Variants in PRKCI observed in about 807,000 individuals in gnomAD.
The protein encoded by PRKCI is protein kinase C iota.
A neutral mutation model predicts 84.0 loss-of-function variants in PRKCI; 43 were observed. The ratio of observed to expected loss-of-function variants is 0.51; its 90% CI spans 0.40 to 0.66. The LOEUF is 0.66. Among genes scored for constraint, PRKCI ranks in the 30% least tolerant of loss-of-function variants. The pLI is 0.00. For synonymous variants in PRKCI, 216 were observed against 234.4 expected (o/e 0.92, Z 0.72); for missense variants, 459 against 745.6 (o/e 0.62, Z 4.48).
At chr3:170,242,646 A>G (rs914437933) in intron 2 of PRKCI, among the ~76,000 whole-genome samples, 2 of 145,454 alleles carry the variant, frequency 1.4e-5, no homozygotes, top group Non-Finnish European at 3.1e-5. Context: ...TAATGTAAAG[A>G]ACTTCCTTTA....
At chr3:170,298,493 C>A (rs1734740623) in intron 16 of PRKCI, among the ~76,000 whole-genome samples, 1 of 151,758 alleles carries the variant, frequency 6.6e-6, no homozygotes, top group Admixed American at 6.6e-5. Flanking sequence ...CAACCTTCGC[C>A]ACCTGGGTTC....
chr3:170,299,181 G>A (rs974507877), intron 17 of PRKCI, 71 bp downstream of exon 17: 20 of 781,246 alleles, frequency 2.6e-5, no homozygotes, highest in African/African-American at 1.8e-5. Flanking sequence ...ACTATGCAAT[G>A]TTTCATTATC....
chr3:170,222,529 T>G lies in PRKCI; in HGVS notation c.-141T>G. 1.4e-6 allele frequency: 1 copy of G among 695,690 alleles called. No homozygotes were observed. The allele number at this position is 695,690 out of a possible 1,614,324, so 43.1% of individuals were successfully genotyped here. A position where few individuals can be genotyped will look rare whatever the true frequency, so the allele number is the denominator to read the frequency against. ...CTGCTCCGGCGAGGCGACCCTTGGG[T>G]CGGCGCTGCGGGCGAGGTGGGCAGG... On this transcript the variant is annotated 5_prime_UTR_variant, in exon 1 of 18. Coordinates refer to ENST00000295797, the MANE Select transcript of PRKCI (RefSeq NM_002740.6).
intron 5 of PRKCI, among the ~76,000 whole-genome samples, chr3:170,270,186 T>G (rs908880037): frequency 6.6e-6 from 1 of 152,344 alleles, no homozygotes; most frequent in African/African-American, 2.4e-5. Flanking sequence ...ATTCTTAGAC[T>G]TAGAAAGAAA....
chr3:170,262,683 A>G (rs555944989), intron 3 of PRKCI, among the ~76,000 whole-genome samples: 37 of 152,162 alleles, frequency 2.4e-4, no homozygotes, highest in African/African-American at 8.7e-4. Flanking sequence ...GAGTTTTACC[A>G]TGTTGGCCAG....
At chr3:170,298,756 G>T (rs1734748663) in intron 16 of PRKCI, among the ~76,000 whole-genome samples, 1 of 152,110 alleles carries the variant, frequency 6.6e-6, no homozygotes, top group Non-Finnish European at 1.5e-5. Flanking sequence ...GTCTGGGCTG[G>T]TCTTGAACTC....
At chr3:170,239,819 A>G (rs1016060978) in intron 2 of PRKCI, among the ~76,000 whole-genome samples, 3 of 151,192 alleles carry the variant, frequency 2.0e-5, no homozygotes, top group African/African-American at 7.3e-5. Context: ...TTGGAGCTGC[A>G]GTGCCTAGAG....
chr3:170,230,493 G>A (rs1732757109), intron 1 of PRKCI, among the ~76,000 whole-genome samples: 1 of 152,224 alleles, frequency 6.6e-6, no homozygotes, highest in African/African-American at 2.4e-5. Context: ...ACCATGTCCG[G>A]CTAATTTTTT....
At chr3:170,280,152 C>T (rs1241172085) in intron 8 of PRKCI, 75 bp from the exon 9 acceptor site, 1 of 1,253,530 alleles carries the variant, frequency 8.0e-7, no homozygotes, top group East Asian at 2.5e-5. Context: ...GTTATAGGTA[C>T]AACTAGGTGT....
intron 12 of PRKCI, 106 bp from the exon 13 acceptor site, chr3:170,291,748 A>G: frequency 1.3e-6 from 1 of 788,742 alleles, no homozygotes; most frequent in Non-Finnish European, 2.2e-6. Context: ...AGTGAGCTTA[A>G]TGTATCACTG....
chr3:170,255,279 C>T (rs1035083034), intron 2 of PRKCI, among the ~76,000 whole-genome samples: 2 of 151,948 alleles, frequency 1.3e-5, no homozygotes, highest in African/African-American at 2.4e-5. Context: ...AGGCTGGTCT[C>T]GAACTCCTGA....
chr3:170,249,634 A>G (rs1182035312), intron 2 of PRKCI, among the ~76,000 whole-genome samples: 1 of 152,024 alleles, frequency 6.6e-6, no homozygotes, highest in Non-Finnish European at 1.5e-5. Flanking sequence ...ACAAAAAAAG[A>G]AAGGAAAAAA....
chr3:170,301,522 A>G (rs562233987), intron 17 of PRKCI, among the ~76,000 whole-genome samples: 94 of 151,554 alleles, frequency 6.2e-4, no homozygotes, highest in Non-Finnish European at 1.1e-3. Context: ...CTTTTTTTTT[A>G]GTTACCTAAT....
Position 170,267,933 on chromosome 3 carries a change from G to A in PRKCI, c.383G>A (p.Gly128Asp). The change falls in exon 5 of 18, where the codon GGT becomes GAT. Residue 128 changes from glycine to aspartate, a missense_variant. Physicochemically the swap from Gly to Asp is moderately conservative, Grantham distance 94. This residue lies in a region of PRKCI where 250 missense variants were observed against 319.7 expected (regional missense o/e 0.78). Coordinates refer to ENST00000295797, the MANE Select transcript of PRKCI (RefSeq NM_002740.6). ...TCTTCAGAATCCATCTACCGTAGAGGTGCACGCCGCTGGAGAAAGCTTTAT... is the reference window on the plus strand; with the variant it reads ...TCTTCAGAATCCATCTACCGTAGAGATGCACGCCGCTGGAGAAAGCTTTAT... ...PGEDKSIYRR[G>D]ARRWRKLYCA... 1 of 1,611,306 alleles carries A rather than the reference G, an allele frequency of 6.2e-7. No individual in the cohort carries two copies. Among genetic ancestry groups the A allele is most frequent in the Non-Finnish European group, 8.5e-7 (1 of 1,178,544 alleles).
Position 170,269,220 on chromosome 3 carries a change from C to T in PRKCI, c.451-1201C>T, listed in dbSNP as rs539638663. Among the ~76,000 whole-genome samples, 6 of 152,228 alleles carry T rather than the reference C, an allele frequency of 3.9e-5. No homozygotes were observed. The East Asian group carries it at 5.8e-4, about 15-fold the overall frequency. ...TTGAGCCACCATGCCTGGCCAGAAA[C>T]GAATTTTTTAAATACTCTTGATAAC... On this transcript the variant is annotated intron_variant, in intron 5 of 17. Coordinates refer to ENST00000295797, the MANE Select transcript of PRKCI (RefSeq NM_002740.6).
At chr3:170,237,844 T>A (rs938897003) in intron 2 of PRKCI, among the ~76,000 whole-genome samples, 7 of 152,214 alleles carry the variant, frequency 4.6e-5, no homozygotes. Flanking sequence ...TTTCCTTTTT[T>A]CTCTCTCCTC....
At chr3:170,245,218 G>GT (rs1417239576) in intron 2 of PRKCI, among the ~76,000 whole-genome samples, 2 of 152,138 alleles carry the variant, frequency 1.3e-5, no homozygotes. Context: ...TGCCCAGTTT[G>GT]TAGCCAAGTC....
At position 170,254,078 on chromosome 3, in the gene PRKCI, CAG is replaced by C. The variant is rs1358529410; in HGVS notation, c.224-5888_224-5887del. ...CGCCACTGCACTCCAGCCTGGGTGA[CAG>C]AGCAAGATCCGTTTCCAAAAAAAAA... On this transcript the variant is annotated intron_variant, in intron 2 of 17. Transcript: ENST00000295797. Among the ~76,000 whole-genome samples, 6 of 148,244 alleles carry C rather than the reference CAG, an allele frequency of 4.0e-5. No homozygotes were observed. In the East Asian group the frequency reaches 1.2e-3, roughly 29 times the overall value.
chr3:170,292,738 C>G (rs1196369910), intron 13 of PRKCI, among the ~76,000 whole-genome samples: 1 of 144,664 alleles, frequency 6.9e-6, no homozygotes, highest in Non-Finnish European at 1.5e-5. Context: ...CCTGTCCACA[C>G]CTCCAGCAGT....
Sources: allele counts gnomAD v4.1 joint callset (sites outside exome capture counted in the v4.1 genomes callset), GRCh38; gene constraint gnomAD v4.1.1; regional missense constraint gnomAD v4.1.1; transcripts MANE v1.5; gene names NCBI Gene and HGNC (gene_info 2026-07-23, HGNC 2026-07-21).